The following TSHZ3 variants were observed in gnomAD, a reference collection of about 807,000 sequenced individuals.
The protein encoded by TSHZ3 is teashirt zinc finger homeobox 3.
TSHZ3 carries 10 observed loss-of-function variants against 64.5 expected under a neutral mutation model. That is an observed-to-expected ratio of 0.16 (90% CI 0.10 to 0.26). The LOEUF is 0.26. TSHZ3 is among the 10% of genes least tolerant of loss of function. TSHZ3 has a pLI of 1.00. For missense variants in TSHZ3, 1,242 were observed against 1,421.7 expected, an observed-to-expected ratio of 0.87 and a Z score of 2.03; for synonymous variants, 608 against 593.1, an observed-to-expected ratio of 1.03 and a Z score of -0.36.
Position 31,276,305 on chromosome 19 carries a change from C to T in TSHZ3, c.*242G>A, listed in dbSNP as rs938606851. The T allele has an allele frequency of 1.4e-5, 5 of 364,686 alleles. No homozygotes were observed. The highest frequency in any genetic ancestry group is 2.5e-5 in the Non-Finnish European group (5 of 204,004). 22.6% of individuals were successfully genotyped at this position (364,686 alleles called of 1,614,324 possible). Reference sequence around the variant, plus strand: ...CGGGAGGATGCTCACAACTAAATCCCGTTTACACAAAGTTCCAAACACTTA... The same window carrying T: ...CGGGAGGATGCTCACAACTAAATCCTGTTTACACAAAGTTCCAAACACTTA... On this transcript the variant is annotated 3_prime_UTR_variant, in exon 2 of 2. Transcript: ENST00000240587.
chr19:31,331,423 CTGTTT>C (rs1395438317), intron 1 of TSHZ3, among the ~76,000 whole-genome samples: 1 of 151,908 alleles, frequency 6.6e-6, no homozygotes, highest in African/African-American at 2.4e-5. Flanking sequence ...TTGTTTTGTT[CTGTTT>C]TGTTACTGTT....
intron 1 of TSHZ3, among the ~76,000 whole-genome samples, chr19:31,341,075 T>C (rs1917419275): frequency 6.6e-6 from 1 of 152,212 alleles, no homozygotes. Flanking sequence ...GGAAGGCACG[T>C]GGAAACTGCC....
At chr19:31,195,467 A>G (rs1314982756) in intron 5 of TSHZ3, 1 of 152,116 alleles carries the variant, frequency 6.6e-6, no homozygotes, top group East Asian at 1.9e-4. Flanking sequence ...AGAGAAAAAG[A>G]AACATCTTAA....
intron 1 of TSHZ3, among the ~76,000 whole-genome samples, chr19:31,335,101 T>C (rs1337406080): frequency 1.3e-5 from 2 of 152,174 alleles, no homozygotes; most frequent in Non-Finnish European, 2.9e-5. Context: ...TGTTTTCCCA[T>C]TTTTAAGAGG....
At chr19:31,343,623 CTTTTTTT>C (rs889893056) in intron 1 of TSHZ3, among the ~76,000 whole-genome samples, 1 of 146,690 alleles carries the variant, frequency 6.8e-6, no homozygotes, top group East Asian at 2.0e-4. Flanking sequence ...CTATTACTGT[CTTTTTTT>C]TTTTACTTCC....
chr19:31,319,844 AT>A (rs902930105), intron 1 of TSHZ3, among the ~76,000 whole-genome samples: 19 of 152,012 alleles, frequency 1.2e-4, no homozygotes, highest in African/African-American at 4.6e-4. Context: ...GGCAGGCTTC[AT>A]TAGCTGAATG....
At chr19:31,265,881 G>A (rs970587343) in intron 1 of TSHZ3, among the ~76,000 whole-genome samples, 1 of 152,198 alleles carries the variant, frequency 6.6e-6, no homozygotes, top group African/African-American at 2.4e-5. Flanking sequence ...GCAGGTTCCT[G>A]GTGACATCAC....
chr19:31,242,884 G>A (rs1054572348), intron 1 of TSHZ3, among the ~76,000 whole-genome samples: 2 of 151,838 alleles, frequency 1.3e-5, no homozygotes, highest in Non-Finnish European at 2.9e-5. Flanking sequence ...TTCTAGGGGA[G>A]AGAAAGCACA....
intron 1 of TSHZ3, among the ~76,000 whole-genome samples, chr19:31,292,352 T>C (rs532956799): frequency 5.3e-4 from 80 of 152,290 alleles, no homozygotes; most frequent in African/African-American, 1.9e-3. Flanking sequence ...CAAGGAACTC[T>C]TGCCTGCCTA....
At chr19:31,345,174 C>T (rs1917550806) in intron 1 of TSHZ3, among the ~76,000 whole-genome samples, 2 of 152,198 alleles carry the variant, frequency 1.3e-5, no homozygotes, top group Admixed American at 1.3e-4. Flanking sequence ...CATTGTTGCT[C>T]TCATTTCGTA....
chr19:31,209,849 C>T (rs754488735), intron 4 of TSHZ3, among the ~76,000 whole-genome samples: 1 of 152,028 alleles, frequency 6.6e-6, no homozygotes, highest in Admixed American at 6.6e-5. Context: ...TCCTCAAGGG[C>T]CCCCAACCCC....
intron 1 of TSHZ3, among the ~76,000 whole-genome samples, chr19:31,333,113 TAA>T (rs1917141383): frequency 1.6e-5 from 1 of 62,516 alleles, no homozygotes; most frequent in South Asian, 1.0e-3. Flanking sequence ...TCACAATAAA[TAA>T]ATAAATAAAT....
chr19:31,289,270 G>A (rs1401173490), intron 1 of TSHZ3, among the ~76,000 whole-genome samples: 8 of 152,144 alleles, frequency 5.3e-5, no homozygotes, highest in Non-Finnish European at 8.8e-5. Context: ...CCTCCATGCT[G>A]ACCTCATCAC....
intron 5 of TSHZ3, among the ~76,000 whole-genome samples, chr19:31,184,130 G>A (rs188308805): frequency 1.1e-3 from 163 of 152,266 alleles, no homozygotes; most frequent in African/African-American, 3.3e-3. Context: ...GAGGTGGTGA[G>A]AGTTCAAAAG....
rs1555740061 is a variant in TSHZ3, at chr19:31,337,720, A to AACACACACAAAC, written c.40+11459_40+11460insGTTTGTGTGTGT. On this transcript the variant is annotated intron_variant, in intron 1 of 1. Coordinates refer to ENST00000240587, the MANE Select transcript of TSHZ3 (RefSeq NM_020856.4). Reference sequence around the variant, plus strand: ...CTGCGAATAAAGTTATTTCAAAATAAACACACACACACACACACACACACA... The same window carrying AACACACACAAAC: ...CTGCGAATAAAGTTATTTCAAAATAAACACACACAAACACACACACACACACACACACACACA... 2.0e-3 allele frequency among the ~76,000 whole-genome samples: 285 copies of AACACACACAAAC among 146,068 alleles called. 2 individuals carry two copies. Among genetic ancestry groups the AACACACACAAAC allele is most frequent in the Non-Finnish European group, 3.6e-3 (239 of 66,168 alleles).
At chr19:31,281,800 C>T (rs1195105767) in intron 1 of TSHZ3, among the ~76,000 whole-genome samples, 2 of 152,206 alleles carry the variant, frequency 1.3e-5, no homozygotes, top group South Asian at 2.1e-4. Flanking sequence ...CAGACTTCCT[C>T]GGCATGCAGC....
intron 4 of TSHZ3, among the ~76,000 whole-genome samples, chr19:31,213,298 A>C (rs1269752896): frequency 7.5e-6 from 1 of 132,770 alleles, no homozygotes; most frequent in Non-Finnish European, 1.6e-5. Flanking sequence ...CAGAGGTTGC[A>C]GTGTGCCAAT....
At chr19:31,273,394 C>T (rs965656511), downstream of TSHZ3, among the ~76,000 whole-genome samples, 1 of 152,156 alleles carries the variant, frequency 6.6e-6, no homozygotes, top group Admixed American at 6.5e-5. Flanking sequence ...CTCACACCAA[C>T]CCCCAAATTG....
intron 1 of TSHZ3, among the ~76,000 whole-genome samples, chr19:31,296,327 A>ATTTTTTTTTTTTTTTTTTTTTTTTTTTTT (rs35057697): frequency 1.1e-5 from 1 of 94,024 alleles, no homozygotes; most frequent in Non-Finnish European, 2.0e-5. Context: ...AGTGCTGTGA[A>ATTTTTTTTTTTTTTTTTTTTTTTTTTTTT]TTTTTTTTTT....
Sources: allele counts gnomAD v4.1 joint callset (sites outside exome capture counted in the v4.1 genomes callset), GRCh38; gene constraint gnomAD v4.1.1; transcripts MANE v1.5; gene names NCBI Gene and HGNC (gene_info 2026-07-23, HGNC 2026-07-21).